Variants in TRIM37 observed in about 807,000 individuals in gnomAD.
TRIM37 encodes the protein tripartite motif containing 37.
TRIM37 carries 80 observed loss-of-function variants against 129.8 expected under a neutral mutation model. The observed-to-expected ratio is 0.62, with a 90% CI of 0.51 to 0.74. The LOEUF (loss-of-function observed/expected upper bound fraction) is 0.74. Among genes scored for constraint, TRIM37 ranks in the 30% least tolerant of loss-of-function variants. The pLI is 0.00. For synonymous variants in TRIM37, 389 were observed against 387.1 expected (o/e 1.00, Z -0.06); for missense variants, 1,054 against 1,176.5 (o/e 0.90, Z 1.52).
Position 59,028,612 on chromosome 17 carries a change from C to G in TRIM37, c.2060G>C (p.Cys687Ser). The change falls in exon 19 of 24, where the codon TGT becomes TCT. Residue 687 changes from cysteine (C) to serine (S), a missense_variant. This residue lies in a region of TRIM37 where 752 missense variants were observed against 870.8 expected (regional missense o/e 0.86). Coordinates refer to ENST00000262294, the MANE Select transcript of TRIM37 (RefSeq NM_015294.6). The part of the protein sequence containing the change: ...RLKTQMAEVR[C>S]MKTDVKNTLS... ...TGTATTCTTTACATCAGTTTTCATA[C>G]ATCGAACTTCGGCCATTTGAGTTTT... is the stretch of plus-strand genomic sequence containing the variant. 6.2e-7 allele frequency: 1 copy of G among 1,614,232 alleles called. No homozygotes were observed. Among genetic ancestry groups the G allele is most frequent in the Non-Finnish European group, 8.5e-7 (1 of 1,180,034 alleles).
At chr17:58,988,237 C>T (rs1314792377) in intron 24 of TRIM37, among the ~76,000 whole-genome samples, 1 of 152,134 alleles carries the variant, frequency 6.6e-6, no homozygotes, top group Non-Finnish European at 1.5e-5. Context: ...ATCTTGCAGG[C>T]TTTTTCTTTA....
intron 17 of TRIM37, among the ~76,000 whole-genome samples, chr17:59,037,099 A>G (rs1414778072): frequency 6.6e-6 from 1 of 152,230 alleles, no homozygotes; most frequent in Non-Finnish European, 1.5e-5. Flanking sequence ...TGGGCAATAC[A>G]GCAAGGCTCC....
intron 22 of TRIM37, among the ~76,000 whole-genome samples, chr17:59,006,593 C>T (rs145231417): frequency 1.3e-5 from 2 of 152,200 alleles, no homozygotes; most frequent in African/African-American, 4.8e-5. Context: ...GACCAACTAA[C>T]TGGACTTGGC....
Position 59,015,632 on chromosome 17 carries a change from T to C in TRIM37, c.2554A>G (p.Arg852Gly), listed in dbSNP as rs1482895654. Reference sequence around the variant, plus strand: ...TACCCCAAGGTGACCATTTTCCTCCTTTTCTCAACCGCAGGCAAGCCACTG... The same window carrying C: ...TACCCCAAGGTGACCATTTTCCTCCCTTTCTCAACCGCAGGCAAGCCACTG... ...VFSGLPAVEK[R>G]RKMVTLGANA... The change falls in exon 21 of 24, where the codon AGG becomes GGG. Residue 852 changes from arginine to glycine, a missense_variant. By Grantham distance (125) the Arg-to-Gly change is moderately radical (BLOSUM62 -2). Around this residue, in one of 3 missense-constraint regions of TRIM37, gnomAD observed 287 missense variants for 274.3 expected, o/e 1.05. Coordinates refer to ENST00000262294, the MANE Select transcript of TRIM37 (RefSeq NM_015294.6). 6.2e-7 allele frequency: 1 copy of C among 1,614,122 alleles called. No homozygotes were observed. Among genetic ancestry groups the C allele is most frequent in the African/African-American group, 1.3e-5 (1 of 75,040 alleles).
At chr17:59,011,173 A>C (rs1007316084) in intron 22 of TRIM37, among the ~76,000 whole-genome samples, 1 of 144,996 alleles carries the variant, frequency 6.9e-6, no homozygotes, top group Non-Finnish European at 1.5e-5. Context: ...CGTCTCGGGG[A>C]AAAAAAAAAA....
At chr17:59,077,809 CAA>C (rs36007655) in intron 7 of TRIM37, among the ~76,000 whole-genome samples, 4 of 71,344 alleles carry the variant, frequency 5.6e-5, no homozygotes, top group Admixed American at 3.9e-4. Flanking sequence ...GACTCCATCT[CAA>C]AAAAAAAAAA....
At chr17:59,057,180 T>C in intron 12 of TRIM37, 126 bp from the exon 13 acceptor site, 1 of 789,914 alleles carries the variant, frequency 1.3e-6, no homozygotes, top group Non-Finnish European at 2.0e-6. Context: ...CGCAGTTACA[T>C]TTCTTTTATC....
chr17:58,969,854 C>T, the TRIM37 span: 4 of 880,942 alleles, frequency 4.5e-6, no homozygotes, highest in Non-Finnish European at 6.8e-6. Flanking sequence ...ATTCTTGACT[C>T]ACAGTATTGG....
chr17:59,012,825 G>A (rs542947029), intron 21 of TRIM37, among the ~76,000 whole-genome samples: 61 of 151,184 alleles, frequency 4.0e-4, no homozygotes, highest in Non-Finnish European at 1.5e-4. Flanking sequence ...GCAGTGAGCC[G>A]AGGTTGCACC....
intron 24 of TRIM37, among the ~76,000 whole-genome samples, chr17:58,986,503 TC>T: frequency 1.1e-5 from 1 of 92,002 alleles, no homozygotes; most frequent in Non-Finnish European, 2.3e-5. Context: ...TTTCCATCTG[TC>T]TTTTTTTTTT....
intron 19 of TRIM37, among the ~76,000 whole-genome samples, chr17:59,024,085 G>A (rs933001754): frequency 2.0e-5 from 3 of 151,776 alleles, no homozygotes; most frequent in African/African-American, 7.3e-5. Context: ...GTGGTGGCAT[G>A]TGCCTCTAAT....
At chr17:59,040,874 G>A (rs1015628726) in intron 17 of TRIM37, among the ~76,000 whole-genome samples, 16 of 151,490 alleles carry the variant, frequency 1.1e-4, no homozygotes, top group African/African-American at 3.6e-4. Context: ...GTGAAACCCC[G>A]TCTCTACTAA....
the TRIM37 span, among the ~76,000 whole-genome samples, chr17:58,967,751 T>A: frequency 3.0e-3 from 449 of 151,966 alleles, 2 homozygotes; most frequent in African/African-American, 0.01. Flanking sequence ...TGTTTAAAAA[T>A]GAGTACTGCT....
chr17:59,037,557 C>CCAAAA (rs2038675284), intron 17 of TRIM37, among the ~76,000 whole-genome samples: 1 of 73,998 alleles, frequency 1.4e-5, no homozygotes, highest in African/African-American at 5.1e-5. Flanking sequence ...GACTCTGTCT[C>CCAAAA]AAAAAAAAAA....
In TRIM37 at chr17:59,070,832, T is replaced by G; in HGVS notation, c.800A>C (p.Asp267Ala). 1.9e-6 allele frequency: 3 copies of G among 1,613,990 alleles called. No individual in the cohort carries two copies. Among genetic ancestry groups the G allele is most frequent in the Non-Finnish European group, 2.5e-6 (3 of 1,179,942 alleles). ...ASFVTTPVPP[D>A]FTSELVPSYD... The stretch of plus-strand genomic sequence containing the variant: ...AAAAACTGTGTCATACCTGGTAAAG[T>G]CTGGTGGAACAGGAGTGGTAACAAA... Residue 267 changes from aspartate to alanine, a missense_variant, in exon 9 of 24, where the codon GAC (aspartate) becomes GCC (alanine). Transcript: ENST00000262294.
chr17:59,043,514 G>A (rs1050847840), intron 16 of TRIM37, among the ~76,000 whole-genome samples: 11 of 152,102 alleles, frequency 7.2e-5, no homozygotes, highest in African/African-American at 9.7e-5. Flanking sequence ...CCCACTTCCC[G>A]AACTTCCAAG....
chr17:59,000,029 T>C (rs1212940067), intron 23 of TRIM37, among the ~76,000 whole-genome samples: 3 of 152,206 alleles, frequency 2.0e-5, no homozygotes, highest in African/African-American at 4.8e-5. Context: ...GAAAATGGCA[T>C]AGGCTTAACA....
intron 4 of TRIM37, among the ~76,000 whole-genome samples, chr17:59,085,496 C>A (rs756416111): frequency 2.0e-5 from 3 of 152,056 alleles, no homozygotes; most frequent in Non-Finnish European, 4.4e-5. Context: ...GAATCCTAAC[C>A]TCATACCATA....
At chr17:59,043,293 T>G (rs2145949577) in intron 16 of TRIM37, among the ~76,000 whole-genome samples, 1 of 152,296 alleles carries the variant, frequency 6.6e-6, no homozygotes, top group South Asian at 2.1e-4. Flanking sequence ...TTAGTCAAAC[T>G]GGTGACAATT....
Sources: gnomAD v4.1 joint callset for allele counts (sites outside exome capture counted in the v4.1 genomes callset) on GRCh38, gnomAD v4.1.1 for gene constraint, gnomAD v4.1.1 regional missense constraint, MANE v1.5 for transcripts, NCBI Gene and HGNC (gene_info 2026-07-23, HGNC 2026-07-21) for gene names.